Variants in LRRTM3 observed in about 807,000 individuals in gnomAD.
LRRTM3 encodes leucine rich repeat transmembrane neuronal 3, also known as leucine-rich repeat transmembrane neuronal protein 3.
Under a neutral mutation model 44.7 loss-of-function variants are expected in LRRTM3, and 24 were observed. The ratio of observed to expected loss-of-function variants is 0.54; its 90% CI spans 0.39 to 0.76. The LOEUF is 0.76. Ranked by LOEUF, LRRTM3 falls within the 30% of genes least tolerant of loss-of-function variation. The probability of loss-of-function intolerance (pLI) is 0.00; values close to 1 mark genes in which losing one functional copy is unlikely to be tolerated. For missense variants in LRRTM3, 587 were observed against 702.2 expected, an observed-to-expected ratio of 0.84 and a Z score of 1.85; for synonymous variants, 277 against 278.7, an observed-to-expected ratio of 0.99 and a Z score of 0.06.
intron 2 of LRRTM3, among the ~76,000 whole-genome samples, chr10:66,967,871 T>A (rs1454459242): frequency 6.6e-6 from 1 of 152,086 alleles, no homozygotes; most frequent in Non-Finnish European, 1.5e-5. Context: ...AATAGGTTCT[T>A]AGAAGGGAGG....
intron 2 of LRRTM3, among the ~76,000 whole-genome samples, chr10:66,947,779 T>G (rs375737157): frequency 1.3e-5 from 2 of 152,198 alleles, no homozygotes; most frequent in African/African-American, 4.8e-5. Flanking sequence ...AGAAAAAATT[T>G]TAATCACTGA....
intron 2 of LRRTM3, among the ~76,000 whole-genome samples, chr10:67,052,987 T>C (rs774425100): frequency 2.0e-5 from 3 of 152,228 alleles, no homozygotes; most frequent in African/African-American, 4.8e-5. Flanking sequence ...ACACTGACTA[T>C]GTGTTTCAGT....
chr10:66,973,667 C>G (rs1351384355), intron 2 of LRRTM3, among the ~76,000 whole-genome samples: 1 of 152,080 alleles, frequency 6.6e-6, no homozygotes, highest in Non-Finnish European at 1.5e-5. Context: ...ACTGTCACCC[C>G]AGCTGGAGTA....
chr10:66,962,347 C>T (rs899221539), intron 2 of LRRTM3, among the ~76,000 whole-genome samples: 1 of 152,050 alleles, frequency 6.6e-6, no homozygotes, highest in African/African-American at 2.4e-5. Flanking sequence ...GCCTATAATA[C>T]TCTTGCCCCA....
chr10:67,072,797 C>A (rs1856538863), intron 2 of LRRTM3, among the ~76,000 whole-genome samples: 1 of 152,080 alleles, frequency 6.6e-6, no homozygotes, highest in Non-Finnish European at 1.5e-5. Context: ...AAAAAGAGTT[C>A]AATGGTATGT....
chr10:67,074,818 TTATG>T lies in LRRTM3; in HGVS notation c.1537-22757_1537-22754del, dbSNP rs140973701. On this transcript the variant is annotated intron_variant, in intron 2 of 2. Coordinates refer to ENST00000361320, the MANE Select transcript of LRRTM3 (RefSeq NM_178011.5). ...ATATTATGAACATAACATAATTTATTTATGTATGTATGTATATTATGAATTATAA... is the reference window on the plus strand; with the variant it reads ...ATATTATGAACATAACATAATTTATTTATGTATGTATATTATGAATTATAA... Among the ~76,000 whole-genome samples the T allele has an allele frequency of 5.9e-5, 9 of 152,036 alleles. No homozygotes were observed. The South Asian group carries it at 1.0e-3, about 18-fold the overall frequency.
At chr10:66,990,653 T>G (rs962441081) in intron 2 of LRRTM3, among the ~76,000 whole-genome samples, 1 of 152,104 alleles carries the variant, frequency 6.6e-6, no homozygotes, top group African/African-American at 2.4e-5. Context: ...GTGGACCAGA[T>G]AAGTGTCCTT....
At chr10:66,952,038 A>G (rs1410404360) in intron 2 of LRRTM3, among the ~76,000 whole-genome samples, 3 of 152,174 alleles carry the variant, frequency 2.0e-5, no homozygotes, top group African/African-American at 7.2e-5. Flanking sequence ...GATCCGTGAC[A>G]TTCAGCAGCT....
chr10:67,038,433 A>T (rs1564847359), intron 2 of LRRTM3, among the ~76,000 whole-genome samples: 1 of 152,084 alleles, frequency 6.6e-6, no homozygotes, highest in Non-Finnish European at 1.5e-5. Context: ...TAAGAAGATG[A>T]AAATATATGT....
At chr10:66,990,203 C>T (rs569204653) in intron 2 of LRRTM3, among the ~76,000 whole-genome samples, 141 of 152,218 alleles carry the variant, frequency 9.3e-4, no homozygotes, top group Non-Finnish European at 1.4e-3. Context: ...AGGTTCTCTT[C>T]CATGGCAAAA....
chr10:66,927,356 C>A lies in LRRTM3; in HGVS notation c.440C>A (p.Ser147Tyr). The stretch of plus-strand genomic sequence containing the variant: ...GATCTGTCCTATAATCAGCTGCATT[C>A]TCTGGGATCTGAACAGTTTCGGGGC... ...NLDLSYNQLH[S>Y]LGSEQFRGLR... The change falls in exon 2 of 3, where the codon TCT becomes TAT. Residue 147 changes from serine (S) to tyrosine (Y), a missense_variant. Transcript: ENST00000361320. This position sits in a 1 kb window ranked among gnomAD's most constrained non-coding sequence, Gnocchi z 4.7. 1.2e-6 allele frequency: 2 copies of A among 1,614,200 alleles called. No homozygotes were observed. The highest frequency in any genetic ancestry group is 8.5e-7 in the Non-Finnish European group (1 of 1,180,052).
intron 2 of LRRTM3, among the ~76,000 whole-genome samples, chr10:66,962,144 T>G (rs1302813042): frequency 6.6e-6 from 1 of 152,130 alleles, no homozygotes; most frequent in East Asian, 1.9e-4. Flanking sequence ...TAGCAGTCAC[T>G]TTCCTGTTCA....
intron 2 of LRRTM3, among the ~76,000 whole-genome samples, chr10:67,082,515 T>A (rs1194982858): frequency 3.9e-5 from 6 of 152,144 alleles, no homozygotes; most frequent in Non-Finnish European, 2.9e-5. Context: ...TAGAAATGCA[T>A]TTACTATAGT....
chr10:66,948,480 T>G (rs1218808288), intron 2 of LRRTM3, among the ~76,000 whole-genome samples: 3 of 152,222 alleles, frequency 2.0e-5, no homozygotes, highest in African/African-American at 7.2e-5. Context: ...TATGTGACAC[T>G]TTGTGACAAC....
At chr10:67,046,309 A>G (rs1420369856) in intron 2 of LRRTM3, among the ~76,000 whole-genome samples, 2 of 152,204 alleles carry the variant, frequency 1.3e-5, no homozygotes, top group Admixed American at 6.5e-5. Flanking sequence ...CGTTGCTACC[A>G]TAAATCAAAT....
chr10:66,966,464 G>T (rs1849414914), intron 2 of LRRTM3, among the ~76,000 whole-genome samples: 1 of 142,610 alleles, frequency 7.0e-6, no homozygotes, highest in African/African-American at 2.5e-5. Context: ...ATGCAGCTGG[G>T]TTAACTCGGC....
At chr10:66,965,591 A>G (rs1368196897) in intron 2 of LRRTM3, among the ~76,000 whole-genome samples, 6 of 150,468 alleles carry the variant, frequency 4.0e-5, no homozygotes, top group Non-Finnish European at 8.9e-5. Flanking sequence ...TAATTAAACC[A>G]AACTAAATAT....
intron 2 of LRRTM3, among the ~76,000 whole-genome samples, chr10:67,074,342 C>CT (rs36186252): frequency 0.021 from 1,414 of 68,742 alleles, 172 homozygotes; most frequent in African/African-American, 0.034. Context: ...CACTTTAACT[C>CT]TTTTTTTTTT....
chr10:67,026,855 A>G (rs1853422819), intron 2 of LRRTM3, among the ~76,000 whole-genome samples: 1 of 152,198 alleles, frequency 6.6e-6, no homozygotes. Flanking sequence ...AAATCTACAA[A>G]GCTTATTTTC....
Sources: gnomAD v4.1 joint callset for allele counts (sites outside exome capture counted in the v4.1 genomes callset) on GRCh38, gnomAD v4.1.1 for gene constraint, Gnocchi (gnomAD v3.1) non-coding constraint, MANE v1.5 for transcripts, NCBI Gene and HGNC (gene_info 2026-07-23, HGNC 2026-07-21) for gene names.